RTN4: variants seen among roughly 807,000 people sequenced by gnomAD.
RTN4 encodes reticulon-4.
In RTN4, 32 loss-of-function variants were observed where a neutral mutation model predicts 90.4. The observed-to-expected ratio is 0.35, with a 90% CI of 0.27 to 0.48. The LOEUF is 0.48. Ranked by LOEUF, RTN4 falls within the 20% of genes least tolerant of loss-of-function variation. The pLI, the probability that RTN4 is intolerant of heterozygous loss-of-function variation, is 0.99. For missense variants in RTN4, 1,706 were observed against 1,430.2 expected (o/e 1.19, Z -3.11); for synonymous variants, 629 against 552.5 (o/e 1.14, Z -1.94).
chr2:55,101,989 T>C (rs1447667125), intron 1 of RTN4, among the ~76,000 whole-genome samples: 1 of 152,120 alleles, frequency 6.6e-6, no homozygotes, highest in Non-Finnish European at 1.5e-5. Context: ...ATTATTGTTT[T>C]CTACTGATAT....
intron 3 of RTN4, among the ~76,000 whole-genome samples, chr2:55,002,107 G>A (rs1480836526): frequency 1.3e-5 from 2 of 152,052 alleles, no homozygotes; most frequent in Non-Finnish European, 2.9e-5. Flanking sequence ...CACCCAGGCT[G>A]GAGCAGAGTG....
At chr2:55,062,755 G>C (rs1336852924) in intron 2 of RTN4, among the ~76,000 whole-genome samples, 1 of 152,094 alleles carries the variant, frequency 6.6e-6, no homozygotes, top group African/African-American at 2.4e-5. Context: ...GTTTTGCTTT[G>C]TTTGGCACCT....
intron 1 of RTN4, among the ~76,000 whole-genome samples, chr2:55,104,027 C>T (rs559486914): frequency 6.6e-6 from 1 of 151,698 alleles, no homozygotes; most frequent in South Asian, 2.1e-4. Context: ...AATTGTACCT[C>T]AATAAAGTGT....
chr2:54,982,693 T>C, intron 4 of RTN4, 40 bp from the exon 5 acceptor site: 1 of 1,563,584 alleles, frequency 6.4e-7, no homozygotes, highest in Non-Finnish European at 8.7e-7. Context: ...CTAATTGGAG[T>C]GATTTTCCCC....
chr2:54,981,709 A>C (rs1387492195), intron 5 of RTN4, among the ~76,000 whole-genome samples: 1 of 152,186 alleles, frequency 6.6e-6, no homozygotes, highest in Non-Finnish European at 1.5e-5. Flanking sequence ...CAAAAACTAA[A>C]GAAAAACTTC....
chr2:54,985,360 A>G (rs1304497308), intron 4 of RTN4, among the ~76,000 whole-genome samples: 3 of 151,720 alleles, frequency 2.0e-5, no homozygotes, highest in Non-Finnish European at 4.4e-5. Context: ...GAGTCTCACT[A>G]TGTTGCCCAG....
intron 1 of RTN4, among the ~76,000 whole-genome samples, chr2:55,108,122 T>C (rs1667976116): frequency 6.6e-6 from 1 of 151,974 alleles, no homozygotes; most frequent in Admixed American, 6.6e-5. Flanking sequence ...TCCCAGCTAA[T>C]TTTTGTGTTT....
At chr2:55,106,270 C>G (rs1022535550) in intron 1 of RTN4, among the ~76,000 whole-genome samples, 12 of 152,096 alleles carry the variant, frequency 7.9e-5, no homozygotes, top group African/African-American at 2.7e-4. Flanking sequence ...ACAGCTCACC[C>G]TACCCTGAAT....
At chr2:54,995,963 A>T (rs1679395024) in intron 3 of RTN4, among the ~76,000 whole-genome samples, 1 of 152,230 alleles carries the variant, frequency 6.6e-6, no homozygotes. Flanking sequence ...TATGTATTTT[A>T]AAAATTCTAA....
At chr2:55,083,465 C>A (rs567908924) in intron 1 of RTN4, among the ~76,000 whole-genome samples, 1 of 152,270 alleles carries the variant, frequency 6.6e-6, no homozygotes, top group South Asian at 2.1e-4. Flanking sequence ...CACTGCACTT[C>A]CGGCCTGGAC....
At position 54,979,998 on chromosome 2, in the gene RTN4, CT is replaced by C. The variant is rs555386443; in HGVS notation, c.3360+2516del. On this transcript the variant is annotated intron_variant, in intron 5 of 8. Transcript: ENST00000337526. ...ATAAATTATAATTTTAATGAAAGTC[CT>C]TTTTTTCAATACTAAGAAACAACAA... Among the ~76,000 whole-genome samples the C allele has an allele frequency of 2.4e-3, 368 of 152,174 alleles. 2 individuals are homozygous for C. The Middle Eastern group carries it at 0.031, about 13-fold the overall frequency.
intron 3 of RTN4, among the ~76,000 whole-genome samples, chr2:55,007,203 A>C (rs1239282538): frequency 6.6e-6 from 1 of 152,110 alleles, no homozygotes; most frequent in Non-Finnish European, 1.5e-5. Context: ...CCAAATGCCA[A>C]GTATTCCTTC....
the RTN4 span, among the ~76,000 whole-genome samples, chr2:55,124,236 T>C: frequency 6.6e-6 from 1 of 152,194 alleles, no homozygotes; most frequent in Non-Finnish European, 1.5e-5. Context: ...GGAGGGGGCA[T>C]AGCATAGGGT....
At chr2:55,136,745 G>A in the RTN4 span, among the ~76,000 whole-genome samples, 1 of 152,216 alleles carries the variant, frequency 6.6e-6, no homozygotes, top group East Asian at 1.9e-4. Flanking sequence ...TTAAAAATGA[G>A]GTTACTAGAA....
At chr2:54,998,603 T>C (rs1679625974) in intron 3 of RTN4, among the ~76,000 whole-genome samples, 1 of 152,212 alleles carries the variant, frequency 6.6e-6, no homozygotes, top group Non-Finnish European at 1.5e-5. Flanking sequence ...TTTGCAGGCT[T>C]GTCTCCCCTT....
At chr2:55,049,447 G>A (rs1667967700) in intron 1 of RTN4, 3 of 450,394 alleles carry the variant, frequency 6.7e-6, no homozygotes, top group South Asian at 6.0e-5. Flanking sequence ...CCTACTACGG[G>A]TGGGTGCCTA....
At chr2:55,119,157 G>A in the RTN4 span, among the ~76,000 whole-genome samples, 1 of 152,142 alleles carries the variant, frequency 6.6e-6, no homozygotes, top group Admixed American at 6.5e-5. Flanking sequence ...GAATCCTTGC[G>A]GGTTTTTTGG....
chr2:54,992,637 T>C (rs1357408034), intron 3 of RTN4, among the ~76,000 whole-genome samples: 2 of 151,828 alleles, frequency 1.3e-5, no homozygotes. Context: ...TTAAATAAAA[T>C]CAGGGTATAT....
intron 1 of RTN4, among the ~76,000 whole-genome samples, chr2:55,094,919 A>T (rs1305996032): frequency 1.3e-5 from 2 of 152,252 alleles, no homozygotes; most frequent in East Asian, 3.8e-4. Context: ...CAGATTTTGA[A>T]TACCAATGAA....
Sources: gnomAD v4.1 joint callset for allele counts (sites outside exome capture counted in the v4.1 genomes callset) on GRCh38, gnomAD v4.1.1 for gene constraint, MANE v1.5 for transcripts, NCBI Gene and HGNC (gene_info 2026-07-23, HGNC 2026-07-21) for gene names.